THRB: variants seen among roughly 807,000 people sequenced by gnomAD.
The protein encoded by THRB is nuclear receptor subfamily 1 group A member 2.
THRB carries 12 observed loss-of-function variants against 47.8 expected under a neutral mutation model. The observed-to-expected ratio is 0.25, with a 90% CI of 0.16 to 0.41. THRB has a LOEUF of 0.41. THRB is among the 10% of genes least tolerant of loss of function. The pLI, the probability that THRB is intolerant of heterozygous loss-of-function variation, is 1.00. For synonymous variants in THRB, 218 were observed against 212.2 expected, an observed-to-expected ratio of 1.03 and a Z score of -0.24; for missense variants, 348 against 589.2, an observed-to-expected ratio of 0.59 and a Z score of 4.24.
rs372451185 is a variant in THRB, at chr3:24,487,598, G to A, written c.-261+7054C>T. 2.0e-3 allele frequency among the ~76,000 whole-genome samples: 298 copies of A among 152,242 alleles called. 4 individuals are homozygous for A. The South Asian group carries it at 0.032, about 16-fold the overall frequency. ...TCAACATATTCAGGAGCAAGTAGAA[G>A]GGACTGAAAACAATGACAGGGTTTG... is the stretch of plus-strand genomic sequence containing the variant. On this transcript the variant is annotated intron_variant, in intron 1 of 10. Coordinates refer to ENST00000646209, the MANE Select transcript of THRB (RefSeq NM_001354712.2).
At chr3:24,171,389 TCC>T (rs898344748) in intron 5 of THRB, among the ~76,000 whole-genome samples, 2 of 152,108 alleles carry the variant, frequency 1.3e-5, no homozygotes, top group African/African-American at 4.8e-5. Flanking sequence ...AAAGCAGCCC[TCC>T]CTCCAGACGC....
At chr3:24,244,745 GTTGC>G (rs1559717837) in intron 3 of THRB, among the ~76,000 whole-genome samples, 1 of 152,200 alleles carries the variant, frequency 6.6e-6, no homozygotes, top group Non-Finnish European at 1.5e-5. Flanking sequence ...GAACTGAGAT[GTTGC>G]TTAGCTAGCA....
intron 4 of THRB, among the ~76,000 whole-genome samples, chr3:24,210,279 T>C (rs1464215314): frequency 6.6e-6 from 1 of 152,230 alleles, no homozygotes; most frequent in African/African-American, 2.4e-5. Context: ...GTGAGGAAAC[T>C]GCTCTGGAAG....
At chr3:24,319,068 C>T (rs1282574707) in intron 2 of THRB, among the ~76,000 whole-genome samples, 2 of 152,108 alleles carry the variant, frequency 1.3e-5, no homozygotes, top group African/African-American at 2.4e-5. Flanking sequence ...CTATTACATA[C>T]CCATTATAAT....
chr3:24,228,636 G>GAA (rs11306713), intron 4 of THRB, among the ~76,000 whole-genome samples: 26 of 85,108 alleles, frequency 3.1e-4, no homozygotes, highest in African/African-American at 8.5e-4. Context: ...ATGTCTCAAA[G>GAA]AAAAAAAAAA....
intron 1 of THRB, among the ~76,000 whole-genome samples, chr3:24,343,236 G>A (rs2062795951): frequency 6.6e-6 from 1 of 152,140 alleles, no homozygotes; most frequent in African/African-American, 2.4e-5. Flanking sequence ...TTTCCTGAGA[G>A]ATGGTGCATA....
chr3:24,277,888 A>G (rs931445445), intron 3 of THRB, among the ~76,000 whole-genome samples: 2 of 152,230 alleles, frequency 1.3e-5, no homozygotes, highest in African/African-American at 4.8e-5. Flanking sequence ...ACATTTATCA[A>G]ATAATTGATG....
At chr3:24,161,011 C>T (rs1042487874) in intron 5 of THRB, among the ~76,000 whole-genome samples, 4 of 152,204 alleles carry the variant, frequency 2.6e-5, no homozygotes, top group East Asian at 1.9e-4. Flanking sequence ...ATGTCTTTGA[C>T]GAGACAGTTA....
At chr3:24,374,945 G>C (rs2149785726) in intron 1 of THRB, among the ~76,000 whole-genome samples, 1 of 152,154 alleles carries the variant, frequency 6.6e-6, no homozygotes, top group South Asian at 2.1e-4. Flanking sequence ...CATGTAAAAA[G>C]TTAATCTTTA....
chr3:24,261,506 A>C (rs550842160), intron 3 of THRB, among the ~76,000 whole-genome samples: 3,914 of 151,068 alleles, frequency 0.026, 197 homozygotes, highest in African/African-American at 0.089. Context: ...TCAAAAAAAA[A>C]AAAAAAAAAA....
rs76690022 is a variant in THRB at position 24,485,171 on chromosome 3, T to C, written c.-261+9481A>G. On this transcript the variant is annotated intron_variant, in intron 1 of 10. Transcript: ENST00000646209. ...GTCAGACAGAGGAGCTATAGGCATG[T>C]ACATACAATGGCAGAGAAACCCTTG... Among the ~76,000 whole-genome samples the C allele has an allele frequency of 9.5e-3, 1,451 of 152,342 alleles. 15 individuals are homozygous for C. Among genetic ancestry groups the C allele is most frequent in the Non-Finnish European group, 0.012 (840 of 68,024 alleles).
In THRB at chr3:24,173,410, A is replaced by G. The variant is rs1453355594; in HGVS notation, c.283+16664T>C. 2.6e-5 allele frequency among the ~76,000 whole-genome samples: 4 copies of G among 152,172 alleles called. No homozygotes were observed. In the East Asian group the frequency reaches 7.7e-4, roughly 29 times the overall value. ...AAGAACGGCGTGCTCCATGTGGCCA[A>G]TGCAGCTCAATTTTCCTGGCCTCTA... On this transcript the variant is annotated intron_variant, in intron 5 of 10. Transcript: ENST00000646209.
intron 1 of THRB, among the ~76,000 whole-genome samples, chr3:24,354,445 A>G (rs2063545618): frequency 6.6e-6 from 1 of 152,172 alleles, no homozygotes; most frequent in Non-Finnish European, 1.5e-5. Context: ...TTACTTTGGA[A>G]GAACACACAA....
At chr3:24,492,075 A>G (rs1698226130) in intron 1 of THRB, among the ~76,000 whole-genome samples, 1 of 152,256 alleles carries the variant, frequency 6.6e-6, no homozygotes, top group Admixed American at 6.5e-5. Flanking sequence ...CACACACAGA[A>G]TAGATCTTGG....
chr3:24,340,236 AT>A (rs1477368433), intron 1 of THRB, among the ~76,000 whole-genome samples: 1 of 152,202 alleles, frequency 6.6e-6, no homozygotes, highest in Non-Finnish European at 1.5e-5. Flanking sequence ...CATAATGCAT[AT>A]TTTGTTGCAA....
At chr3:24,172,044 T>C (rs549914231) in intron 5 of THRB, among the ~76,000 whole-genome samples, 4 of 152,316 alleles carry the variant, frequency 2.6e-5, no homozygotes, top group African/African-American at 9.6e-5. Flanking sequence ...CTCTTGGAGA[T>C]TCACACACAC....
At chr3:24,268,345 A>G (rs879604228) in intron 3 of THRB, among the ~76,000 whole-genome samples, 1 of 152,230 alleles carries the variant, frequency 6.6e-6, no homozygotes, top group Non-Finnish European at 1.5e-5. Flanking sequence ...AAATAATGCA[A>G]TATAACAAAA....
intron 1 of THRB, among the ~76,000 whole-genome samples, chr3:24,361,827 A>G (rs1003786559): frequency 6.6e-5 from 10 of 152,090 alleles, no homozygotes; most frequent in Non-Finnish European, 1.0e-4. Context: ...AGTGAAATAT[A>G]CCACATGTTG....
intron 6 of THRB, among the ~76,000 whole-genome samples, chr3:24,148,399 T>G (rs1018247164): frequency 6.6e-6 from 1 of 152,178 alleles, no homozygotes; most frequent in African/African-American, 2.4e-5. Context: ...AGTGCTGGGA[T>G]TATAGGCGTG....
Sources: gnomAD v4.1 joint callset for allele counts (sites outside exome capture counted in the v4.1 genomes callset) on GRCh38, gnomAD v4.1.1 for gene constraint, MANE v1.5 for transcripts, NCBI Gene and HGNC (gene_info 2026-07-23, HGNC 2026-07-21) for gene names.